Variants in FARP2 observed in about 807,000 individuals in gnomAD.
FARP2 encodes the protein FERM, ARH/RhoGEF and pleckstrin domain protein 2.
Under a neutral mutation model 130.5 loss-of-function variants are expected in FARP2, and 111 were observed. The ratio of observed to expected loss-of-function variants is 0.85; its 90% confidence interval spans 0.73 to 1.00. The LOEUF (loss-of-function observed/expected upper bound fraction) is 1.00, where lower values mean the gene tolerates loss of function less well. FARP2 is among the 50% of genes least tolerant of loss of function. The probability of loss-of-function intolerance (pLI) is 0.00; values close to 1 mark genes in which losing one functional copy is unlikely to be tolerated. For missense variants in FARP2, 1,385 were observed against 1,346.3 expected (o/e 1.03, Z -0.45); for synonymous variants, 504 against 516.9 (o/e 0.98, Z 0.34).
intron 14 of FARP2, among the ~76,000 whole-genome samples, chr2:241,462,154 C>G (rs1341104424): frequency 6.6e-6 from 1 of 152,212 alleles, no homozygotes; most frequent in African/African-American, 2.4e-5. Context: ...GCACTGTTTG[C>G]TCATTTTAAT....
intron 1 of FARP2, among the ~76,000 whole-genome samples, chr2:241,370,378 A>T (rs544896975): frequency 6.6e-6 from 1 of 152,300 alleles, no homozygotes; most frequent in South Asian, 2.1e-4. Flanking sequence ...TACATACCGT[A>T]TTTCTGAACA....
At chr2:241,429,173 T>C (rs1378055873) in intron 8 of FARP2, among the ~76,000 whole-genome samples, 2 of 152,232 alleles carry the variant, frequency 1.3e-5, no homozygotes, top group East Asian at 3.8e-4. Context: ...TTCAAGCTTA[T>C]AGAAAAGCTA....
Position 241,456,928 on chromosome 2 carries a change from C to T in FARP2, c.1587+6C>T, listed in dbSNP as rs767772775. On this transcript the variant is annotated splice_donor_region_variant and intron_variant, in intron 14 of 26. Transcript: ENST00000264042. ...GCGAGGAGCCCAGACACAAGGTGGG[C>T]CCCTCGAGGCTGAGAAGCTAGCAGA... is the stretch of plus-strand genomic sequence containing the variant. 5 of 1,578,760 alleles carry T rather than the reference C, an allele frequency of 3.2e-6. No individual in the cohort carries two copies. Among genetic ancestry groups the T allele is most frequent in the Non-Finnish European group, 3.4e-6 (4 of 1,162,358 alleles).
chr2:241,427,125 C>G (rs1022324198), intron 8 of FARP2, among the ~76,000 whole-genome samples: 1 of 152,062 alleles, frequency 6.6e-6, no homozygotes, highest in African/African-American at 2.4e-5. Context: ...ATGCCAGCTA[C>G]TCAGGAGGCT....
chr2:241,465,480 G>A, intron 17 of FARP2: 1 of 1,550,546 alleles, frequency 6.4e-7, no homozygotes, highest in Non-Finnish European at 8.7e-7. Context: ...TCCACGAAGG[G>A]CATGTAGCAG....
intron 13 of FARP2, chr2:241,442,346 C>T (rs947004859): frequency 5.0e-5 from 23 of 456,612 alleles, no homozygotes; most frequent in Non-Finnish European, 7.0e-5. Flanking sequence ...TACCCACCCA[C>T]GACGGCCGAG....
chr2:241,419,848 C>T (rs1357495427), intron 8 of FARP2, among the ~76,000 whole-genome samples: 1 of 152,036 alleles, frequency 6.6e-6, no homozygotes, highest in Non-Finnish European at 1.5e-5. Context: ...GGGAATTAAC[C>T]GTTAGAAAGC....
intron 18 of FARP2, among the ~76,000 whole-genome samples, chr2:241,471,923 GA>G (rs2064325334): frequency 6.6e-6 from 1 of 152,016 alleles, no homozygotes; most frequent in Non-Finnish European, 1.5e-5. Flanking sequence ...ACCCTGTTCT[GA>G]GGGGATTATG....
intron 5 of FARP2, among the ~76,000 whole-genome samples, chr2:241,407,844 G>A (rs1040253847): frequency 4.6e-5 from 7 of 152,216 alleles, no homozygotes; most frequent in Admixed American, 3.3e-4. Context: ...AATAAAAAAT[G>A]GAATGGGATG....
chr2:241,391,278 G>A (rs2061897388), intron 2 of FARP2, among the ~76,000 whole-genome samples: 1 of 152,206 alleles, frequency 6.6e-6, no homozygotes, highest in Non-Finnish European at 1.5e-5. Context: ...CCTAAAACAA[G>A]CCAGTTAGTA....
rs1350771685 is a variant in FARP2 at position 241,418,033 on chromosome 2, G to A, written c.695G>A (p.Arg232Lys). 2 of 1,614,222 alleles carry A rather than the reference G, an allele frequency of 1.2e-6. No individual in the cohort carries two copies. The highest frequency in any genetic ancestry group is 3.3e-5 in the Admixed American group (2 of 60,032). The change falls in exon 8 of 27, where the codon AGA (arginine) becomes AAA (lysine). Residue 232 changes from arginine to lysine, a missense_variant. Arg to Lys is a conservative substitution (Grantham distance 26, BLOSUM62 2). Coordinates refer to ENST00000264042, the MANE Select transcript of FARP2 (RefSeq NM_014808.4). ...CGAAAGTTGGAAATGTACGGCATCA[G>A]ATTTCACATGGCTTCTGACAGGGAA... ...IARKLEMYGI[R>K]FHMASDREGT...
In FARP2 at chr2:241,436,649, G is replaced by A; in HGVS notation, c.1158+111G>A. 7.7e-6 allele frequency: 7 copies of A among 910,428 alleles called. No homozygotes were observed. In the South Asian group the frequency reaches 8.5e-5, roughly 11 times the overall value. The allele number at this position is 910,428 out of a possible 1,614,324, so 56.4% of individuals were successfully genotyped here. A position where few individuals can be genotyped will look rare whatever the true frequency, so the allele number is the denominator to read the frequency against. The stretch of plus-strand genomic sequence containing the variant: ...CTTAAAATTAATCATATTATTTAAT[G>A]CAGCAATTGTAATCCTGGGACTCTG... On this transcript the variant is annotated intron_variant, in intron 12 of 26. Coordinates refer to ENST00000264042, the MANE Select transcript of FARP2 (RefSeq NM_014808.4).
chr2:241,430,604 C>T (rs2063066188), intron 8 of FARP2, among the ~76,000 whole-genome samples: 1 of 152,206 alleles, frequency 6.6e-6, no homozygotes, highest in Non-Finnish European at 1.5e-5. Context: ...CCCTGCCCTG[C>T]CTGGCCACTA....
intron 17 of FARP2, among the ~76,000 whole-genome samples, chr2:241,467,541 C>T (rs534115297): frequency 1.5e-4 from 22 of 151,096 alleles, no homozygotes; most frequent in Non-Finnish European, 3.1e-4. Context: ...TTGCGGGGGG[C>T]TAAGGTGGGA....
intron 2 of FARP2, among the ~76,000 whole-genome samples, chr2:241,402,792 G>T (rs1216669971): frequency 3.2e-5 from 4 of 124,912 alleles, no homozygotes; most frequent in Non-Finnish European, 4.8e-5. Flanking sequence ...TCAGCCTCCT[G>T]AGTTAGCTGG....
At chr2:241,403,797 C>T in intron 2 of FARP2, 31 bp from the exon 3 acceptor site, 1 of 1,409,828 alleles carries the variant, frequency 7.1e-7, no homozygotes, top group Non-Finnish European at 1.0e-6. Flanking sequence ...TCTTTCAATC[C>T]TTGTTATTTT....
Position 241,483,543 on chromosome 2 carries a change from C to G in FARP2, c.2331+10C>G, listed in dbSNP as rs1485463693. The G allele has an allele frequency of 6.2e-7, 1 of 1,613,172 alleles. No homozygotes were observed. Among genetic ancestry groups the G allele is most frequent in the South Asian group, 1.1e-5 (1 of 91,066 alleles). ...GAGGATGTTTTTTCTGGTAGGTTCT[C>G]TCCCCACTCAAGCTGTGCTTCCCCC... On this transcript the variant is annotated intron_variant, in intron 20 of 26. Coordinates refer to ENST00000264042, the MANE Select transcript of FARP2 (RefSeq NM_014808.4).
intron 21 of FARP2, among the ~76,000 whole-genome samples, chr2:241,487,363 A>C (rs1421951541): frequency 6.6e-6 from 1 of 152,156 alleles, no homozygotes; most frequent in Non-Finnish European, 1.5e-5. Context: ...TAAGAGGAAA[A>C]TAGTATAGTC....
intron 10 of FARP2, 148 bp from the exon 11 acceptor site, chr2:241,434,814 C>T: frequency 1.7e-6 from 1 of 594,308 alleles, no homozygotes; most frequent in Non-Finnish European, 3.0e-6. Flanking sequence ...CCACCCTGGG[C>T]AATAGAGCGA....
Sources: allele counts gnomAD v4.1 joint callset (sites outside exome capture counted in the v4.1 genomes callset), GRCh38; gene constraint gnomAD v4.1.1; transcripts MANE v1.5; gene names NCBI Gene and HGNC (gene_info 2026-07-23, HGNC 2026-07-21).